MAN1A2: variants seen among roughly 807,000 people sequenced by gnomAD.
MAN1A2 encodes the protein mannosyl-oligosaccharide 1,2-alpha-mannosidase IB.
MAN1A2 carries 26 observed loss-of-function variants against 75.7 expected under a neutral mutation model. The ratio of observed to expected loss-of-function variants is 0.34; its 90% CI spans 0.25 to 0.48. MAN1A2 has a LOEUF of 0.48. MAN1A2 is among the 20% of genes least tolerant of loss of function. The probability of loss-of-function intolerance (pLI) is 0.99; values close to 1 mark genes in which losing one functional copy is unlikely to be tolerated. For missense variants in MAN1A2, 562 were observed against 775.5 expected, an observed-to-expected ratio of 0.72 and a Z score of 3.27; for synonymous variants, 247 against 264.6, an observed-to-expected ratio of 0.93 and a Z score of 0.65.
chr1:117,450,874 G>T (rs1489777595), intron 6 of MAN1A2, among the ~76,000 whole-genome samples: 1 of 152,212 alleles, frequency 6.6e-6, no homozygotes, highest in Non-Finnish European at 1.5e-5. Flanking sequence ...GTTTGCTGCA[G>T]GGACACGACT....
chr1:117,381,250 T>A (rs1201598952), intron 1 of MAN1A2, among the ~76,000 whole-genome samples: 1 of 152,284 alleles, frequency 6.6e-6, no homozygotes, highest in Non-Finnish European at 1.5e-5. Context: ...GTTAGTTACA[T>A]ATGTATACAT....
chr1:117,413,474 C>G, intron 3 of MAN1A2, among the ~76,000 whole-genome samples: 1 of 151,834 alleles, frequency 6.6e-6, no homozygotes, highest in South Asian at 2.1e-4. Flanking sequence ...AATGCTGGCT[C>G]TGAAAATGTC....
intron 1 of MAN1A2, among the ~76,000 whole-genome samples, chr1:117,401,767 A>T (rs1647437202): frequency 6.6e-6 from 1 of 152,188 alleles, no homozygotes; most frequent in South Asian, 2.1e-4. Flanking sequence ...CATATGCTGT[A>T]CTATATAAAT....
Position 117,467,201 on chromosome 1 carries a change from T to C in MAN1A2, c.1168+774T>C, listed in dbSNP as rs115785804. On this transcript the variant is annotated intron_variant, in intron 8 of 12. Transcript: ENST00000356554. The stretch of plus-strand genomic sequence containing the variant: ...ATCAATGCTATTCTCTTTTAAAAGT[T>C]AGGAAAACAAAAACAAATAATAGAG... 7.9e-3 allele frequency among the ~76,000 whole-genome samples: 1,196 copies of C among 152,278 alleles called. 12 individuals carry two copies. The highest frequency in any genetic ancestry group is 0.027 in the African/African-American group (1,123 of 41,574).
chr1:117,402,411 CATA>C lies in MAN1A2; in HGVS notation c.530_532del (p.Ile177del). 6.3e-7 allele frequency: 1 copy of C among 1,599,840 alleles called. No homozygotes were observed. Among genetic ancestry groups the C allele is most frequent in the Non-Finnish European group, 8.5e-7 (1 of 1,176,140 alleles). Reference sequence around the variant, plus strand: ...GTGGTGGAGACCCAGAAGATAATGACATAAGAGAGAAAAGGGAAAAAATTAAAG... The same window carrying C: ...GTGGTGGAGACCCAGAAGATAATGACAGAGAGAAAAGGGAAAAAATTAAAG... On this transcript the variant is annotated inframe_deletion, in exon 2 of 13. Transcript: ENST00000356554.
intron 1 of MAN1A2, among the ~76,000 whole-genome samples, chr1:117,381,973 A>G (rs1185307133): frequency 5.9e-5 from 9 of 151,720 alleles, no homozygotes; most frequent in Admixed American, 5.9e-4. Flanking sequence ...TTTTGGCTGC[A>G]TAAATGTCTT....
In MAN1A2 at chr1:117,465,260, A is replaced by C. The variant is rs143383192; in HGVS notation, c.1075-1074A>C. ...AAAGGAGACAGAAAGAAAATGATAGATAAGGAAGAAAAAGAATAGTATACA... is the reference window on the plus strand; with the variant it reads ...AAAGGAGACAGAAAGAAAATGATAGCTAAGGAAGAAAAAGAATAGTATACA... On this transcript the variant is annotated intron_variant, in intron 7 of 12. Coordinates refer to ENST00000356554, the MANE Select transcript of MAN1A2 (RefSeq NM_006699.5). 6.8e-3 allele frequency among the ~76,000 whole-genome samples: 1,036 copies of C among 152,276 alleles called. 5 individuals carry two copies. The highest frequency in any genetic ancestry group is 0.024 in the African/African-American group (979 of 41,576).
At chr1:117,491,922 C>A (rs1650893362) in intron 8 of MAN1A2, among the ~76,000 whole-genome samples, 1 of 152,004 alleles carries the variant, frequency 6.6e-6, no homozygotes, top group Admixed American at 6.6e-5. Flanking sequence ...GAAGATAGGA[C>A]TGAGTTACTG....
intron 9 of MAN1A2, 116 bp from the exon 10 acceptor site, chr1:117,496,647 G>T: frequency 1.4e-6 from 1 of 710,834 alleles, no homozygotes; most frequent in Non-Finnish European, 2.3e-6. Context: ...GTTTGGGAAA[G>T]TTACTACTTT....
intron 12 of MAN1A2, among the ~76,000 whole-genome samples, chr1:117,508,176 A>G (rs1651429239): frequency 6.6e-6 from 1 of 151,654 alleles, no homozygotes; most frequent in East Asian, 1.9e-4. Flanking sequence ...ATTGCACCTT[A>G]CCTCAATTCT....
intron 3 of MAN1A2, among the ~76,000 whole-genome samples, chr1:117,409,166 A>G (rs1036788999): frequency 4.6e-5 from 7 of 151,716 alleles, no homozygotes; most frequent in African/African-American, 1.7e-4. Flanking sequence ...CTTTTGCATG[A>G]TTTGGGTTGA....
chr1:117,406,501 C>A (rs1647620001), intron 3 of MAN1A2, among the ~76,000 whole-genome samples: 1 of 152,046 alleles, frequency 6.6e-6, no homozygotes, highest in African/African-American at 2.4e-5. Flanking sequence ...AAGGATTTTT[C>A]TAATGCTGTG....
At chr1:117,432,323 A>G (rs1263825118) in intron 5 of MAN1A2, among the ~76,000 whole-genome samples, 1 of 151,870 alleles carries the variant, frequency 6.6e-6, no homozygotes, top group Non-Finnish European at 1.5e-5. Context: ...AACAAGGAAA[A>G]TATTACAAAG....
chr1:117,417,535 A>G (rs1291771831), intron 4 of MAN1A2, among the ~76,000 whole-genome samples: 2 of 30,216 alleles, frequency 6.6e-5, no homozygotes, highest in African/African-American at 4.6e-4. Flanking sequence ...TTGAGTTTAA[A>G]TATATATATA....
intron 1 of MAN1A2, among the ~76,000 whole-genome samples, chr1:117,377,005 A>G (rs1385648302): frequency 6.6e-6 from 1 of 152,182 alleles, no homozygotes; most frequent in Non-Finnish European, 1.5e-5. Flanking sequence ...TTGGTTTCCA[A>G]GGGAGGTCCT....
At chr1:117,438,243 T>G (rs921257449) in intron 5 of MAN1A2, among the ~76,000 whole-genome samples, 1 of 152,202 alleles carries the variant, frequency 6.6e-6, no homozygotes, top group Admixed American at 6.5e-5. Flanking sequence ...TGTCTTAGTT[T>G]TTAACAAAAA....
intron 6 of MAN1A2, among the ~76,000 whole-genome samples, chr1:117,444,683 G>GTC (rs1649151210): frequency 6.6e-6 from 1 of 151,854 alleles, no homozygotes; most frequent in African/African-American, 2.4e-5. Flanking sequence ...TTGGTGAATT[G>GTC]TCTATTCCTA....
intron 6 of MAN1A2, among the ~76,000 whole-genome samples, chr1:117,445,882 G>GTATATATA (rs1224175021): frequency 6.9e-4 from 93 of 134,856 alleles, no homozygotes; most frequent in African/African-American, 1.7e-3. Flanking sequence ...GTCTGTGTGT[G>GTATATATA]TGTATATATA....
rs138139192 is a variant in MAN1A2, at chr1:117,496,622, G to A, written c.1285-141G>A. The A allele has an allele frequency of 5.9e-4, 364 of 614,312 alleles. 1 individual carries two copies. In the African/African-American group the frequency reaches 6.1e-3, roughly 10 times the overall value. 38.1% of individuals were successfully genotyped at this position (614,312 alleles called of 1,614,324 possible). The stretch of plus-strand genomic sequence containing the variant: ...TTGATCACCCACTCCGACACTTGCT[G>A]TTAATTAAGTCTCAGTTTGGGAAAG... On this transcript the variant is annotated intron_variant, in intron 9 of 12. Transcript: ENST00000356554.
Sources: gnomAD v4.1 joint callset for allele counts (sites outside exome capture counted in the v4.1 genomes callset) on GRCh38, gnomAD v4.1.1 for gene constraint, MANE v1.5 for transcripts, NCBI Gene and HGNC (gene_info 2026-07-23, HGNC 2026-07-21) for gene names.